CNTN5: variants seen among roughly 807,000 people sequenced by gnomAD.
CNTN5 encodes contactin 5.
Under a neutral mutation model 129.1 loss-of-function variants are expected in CNTN5, and 77 were observed. That is an observed-to-expected ratio of 0.60 (90% CI 0.50 to 0.72). The LOEUF is 0.72. Among genes scored for constraint, CNTN5 ranks in the 30% least tolerant of loss-of-function variants. CNTN5 has a pLI of 0.00. For missense variants in CNTN5, 1,478 were observed against 1,328.8 expected, an observed-to-expected ratio of 1.11 and a Z score of -1.75; for synonymous variants, 509 against 465.6, an observed-to-expected ratio of 1.09 and a Z score of -1.20.
chr11:99,334,004 T>TTG (rs1565498445), intron 2 of CNTN5, among the ~76,000 whole-genome samples: 1 of 151,218 alleles, frequency 6.6e-6, no homozygotes. Context: ...ACACAGTGCA[T>TTG]TGTATCCTTT....
chr11:99,139,629 A>G (rs1032329417), intron 1 of CNTN5, among the ~76,000 whole-genome samples: 1 of 152,184 alleles, frequency 6.6e-6, no homozygotes, highest in African/African-American at 2.4e-5. Context: ...TTCTTATTTC[A>G]ATATGTATTT....
intron 2 of CNTN5, among the ~76,000 whole-genome samples, chr11:99,330,229 G>C (rs1865946455): frequency 6.7e-6 from 1 of 149,802 alleles, no homozygotes; most frequent in Admixed American, 6.7e-5. Flanking sequence ...AGGAAGGGAA[G>C]GAAGGAGGAA....
intron 1 of CNTN5, among the ~76,000 whole-genome samples, chr11:99,048,652 A>G (rs112217934): frequency 0.033 from 4,971 of 152,208 alleles, 284 homozygotes; most frequent in African/African-American, 0.11. Context: ...TAGTTTTTCA[A>G]CTATTACCAA....
intron 2 of CNTN5, among the ~76,000 whole-genome samples, chr11:99,502,444 T>A (rs546374866): frequency 7.2e-5 from 11 of 152,202 alleles, no homozygotes; most frequent in African/African-American, 2.2e-4. Flanking sequence ...TCCACGCTGT[T>A]CTCATAATAG....
intron 6 of CNTN5, among the ~76,000 whole-genome samples, chr11:99,904,950 G>T (rs1949458148): frequency 6.6e-6 from 1 of 152,140 alleles, no homozygotes; most frequent in Admixed American, 6.5e-5. Flanking sequence ...CTTTTGCAAA[G>T]TGTCTGTGCA....
At chr11:99,465,192 A>G (rs1203024102) in intron 2 of CNTN5, among the ~76,000 whole-genome samples, 1 of 152,210 alleles carries the variant, frequency 6.6e-6, no homozygotes, top group East Asian at 1.9e-4. Context: ...AAACTGGCTA[A>G]TAAATACTTC....
intron 21 of CNTN5, among the ~76,000 whole-genome samples, chr11:100,320,017 A>T (rs2138957468): frequency 6.6e-6 from 1 of 152,336 alleles, no homozygotes; most frequent in South Asian, 2.1e-4. Context: ...TGCAATGAAC[A>T]TGAGAGTGCA....
At chr11:100,141,273 G>A (rs1370857456) in intron 13 of CNTN5, among the ~76,000 whole-genome samples, 3 of 152,060 alleles carry the variant, frequency 2.0e-5, no homozygotes, top group Non-Finnish European at 2.9e-5. Context: ...AAGGAGCAGG[G>A]AACAGGGAAA....
intron 2 of CNTN5, among the ~76,000 whole-genome samples, chr11:99,549,827 T>C (rs930811520): frequency 3.3e-5 from 5 of 152,286 alleles, no homozygotes; most frequent in African/African-American, 1.2e-4. Context: ...ATTTCTGGCA[T>C]CAGATTCTAG....
At chr11:99,941,535 G>C (rs187715776) in intron 7 of CNTN5, among the ~76,000 whole-genome samples, 1 of 108,114 alleles carries the variant, frequency 9.2e-6, no homozygotes, top group Admixed American at 9.3e-5. Flanking sequence ...TTACTGCCAC[G>C]CAAGAGATAA....
At chr11:99,893,601 A>T (rs1949122367) in intron 6 of CNTN5, among the ~76,000 whole-genome samples, 1 of 152,142 alleles carries the variant, frequency 6.6e-6, no homozygotes, top group Non-Finnish European at 1.5e-5. Context: ...CATGGCAAGG[A>T]TACTGCAGGA....
intron 9 of CNTN5, among the ~76,000 whole-genome samples, chr11:100,033,975 A>G (rs1241691668): frequency 6.6e-6 from 1 of 152,208 alleles, no homozygotes; most frequent in Admixed American, 6.5e-5. Flanking sequence ...AAGAAAAAAA[A>G]AGACATTTCT....
intron 3 of CNTN5, among the ~76,000 whole-genome samples, chr11:99,730,050 G>C (rs557789006): frequency 5.9e-4 from 90 of 152,128 alleles, no homozygotes; most frequent in Non-Finnish European, 1.1e-3. Context: ...ATGTATCCCA[G>C]AAGTAAAAGT....
intron 3 of CNTN5, among the ~76,000 whole-genome samples, chr11:99,784,581 A>G (rs1315735006): frequency 6.6e-6 from 1 of 152,054 alleles, no homozygotes; most frequent in Non-Finnish European, 1.5e-5. Context: ...TCCTTTGGGT[A>G]TATACCCAGT....
At chr11:99,697,369 T>C (rs2134838270) in intron 3 of CNTN5, among the ~76,000 whole-genome samples, 1 of 151,748 alleles carries the variant, frequency 6.6e-6, no homozygotes, top group East Asian at 1.9e-4. Flanking sequence ...AAGGTCATCA[T>C]CAACAGTGAT....
At chr11:100,266,925 G>A (rs193047934) in intron 17 of CNTN5, among the ~76,000 whole-genome samples, 115 of 152,172 alleles carry the variant, frequency 7.6e-4, no homozygotes, top group African/African-American at 1.9e-3. Context: ...CACATGCAGT[G>A]TATCAATGAA....
chr11:99,305,977 C>A (rs1210627287), intron 1 of CNTN5, among the ~76,000 whole-genome samples: 3 of 150,178 alleles, frequency 2.0e-5, no homozygotes, highest in African/African-American at 7.4e-5. Context: ...TGAAACTCCG[C>A]CTCAAAAAAA....
At chr11:99,433,612 C>T (rs995997007) in intron 2 of CNTN5, among the ~76,000 whole-genome samples, 9 of 151,672 alleles carry the variant, frequency 5.9e-5, no homozygotes, top group Non-Finnish European at 1.0e-4. Flanking sequence ...AAAGTATTGC[C>T]GAATACATCA....
At chr11:99,546,297 C>T (rs1948288683) in intron 2 of CNTN5, among the ~76,000 whole-genome samples, 1 of 152,110 alleles carries the variant, frequency 6.6e-6, no homozygotes, top group Non-Finnish European at 1.5e-5. Flanking sequence ...TCCACAAAGA[C>T]CATTAGCAGG....
Sources: gnomAD v4.1 joint callset for allele counts (sites outside exome capture counted in the v4.1 genomes callset) on GRCh38, gnomAD v4.1.1 for gene constraint, MANE v1.5 for transcripts, NCBI Gene and HGNC (gene_info 2026-07-23, HGNC 2026-07-21) for gene names.